The following DCDC2 variants were observed in gnomAD, a reference collection of about 807,000 sequenced individuals.
The protein encoded by DCDC2 is doublecortin domain-containing protein 2.
DCDC2 carries 40 observed loss-of-function variants against 50.2 expected under a neutral mutation model. The observed-to-expected ratio is 0.80, with a 90% CI of 0.62 to 1.04. The LOEUF (loss-of-function observed/expected upper bound fraction) is 1.04. Ranked by LOEUF, DCDC2 falls within the 50% of genes least tolerant of loss-of-function variation. DCDC2 has a pLI of 0.00. For missense variants in DCDC2, 570 were observed against 581.9 expected, an observed-to-expected ratio of 0.98 and a Z score of 0.21; for synonymous variants, 234 against 210.6, an observed-to-expected ratio of 1.11 and a Z score of -0.96.
intron 4 of DCDC2, among the ~76,000 whole-genome samples, chr6:24,298,337 C>T (rs1759305342): frequency 6.6e-6 from 1 of 152,198 alleles, no homozygotes; most frequent in Non-Finnish European, 1.5e-5. Context: ...TTGGGGAACC[C>T]TGGAGAGTGC....
intron 8 of DCDC2, among the ~76,000 whole-genome samples, chr6:24,196,702 G>A (rs527675459): frequency 4.0e-4 from 61 of 152,318 alleles, no homozygotes; most frequent in African/African-American, 1.4e-3. Context: ...TGGGATTACA[G>A]GCATGAGCTA....
At chr6:24,179,750 T>A (rs793855) in intron 8 of DCDC2, among the ~76,000 whole-genome samples, 11 of 146,470 alleles carry the variant, frequency 7.5e-5, no homozygotes, top group Non-Finnish European at 1.2e-4. Context: ...GTCAGGAGAT[T>A]GAGACCATCC....
upstream of DCDC2, among the ~76,000 whole-genome samples, chr6:24,358,809 TATATAAA>T (rs1464647239): frequency 6.0e-5 from 2 of 33,550 alleles, no homozygotes; most frequent in Admixed American, 6.5e-4. Flanking sequence ...TTATATATTA[TATATAAA>T]TATATATATT....
chr6:24,256,800 A>G (rs979355630), intron 7 of DCDC2, among the ~76,000 whole-genome samples: 19 of 152,204 alleles, frequency 1.2e-4, no homozygotes, highest in Non-Finnish European at 2.6e-4. Context: ...GCACTACACC[A>G]AGAATAATTT....
chr6:24,362,785 T>G (rs1760691259), upstream of DCDC2, among the ~76,000 whole-genome samples: 1 of 152,174 alleles, frequency 6.6e-6, no homozygotes, highest in Non-Finnish European at 1.5e-5. Flanking sequence ...ATCTACTCAT[T>G]TGCTCAAAGC....
chr6:24,251,331 C>T (rs1033775727), intron 7 of DCDC2, among the ~76,000 whole-genome samples: 1 of 152,148 alleles, frequency 6.6e-6, no homozygotes, highest in Non-Finnish European at 1.5e-5. Flanking sequence ...GGTTTGAGAG[C>T]TTGCTGTGCT....
chr6:24,253,879 T>C (rs1029912645), intron 7 of DCDC2, among the ~76,000 whole-genome samples: 1 of 152,198 alleles, frequency 6.6e-6, no homozygotes, highest in Non-Finnish European at 1.5e-5. Flanking sequence ...TTAAAATCAC[T>C]TGTTTCTTCA....
At chr6:24,377,177 C>A in the DCDC2 span, among the ~76,000 whole-genome samples, 1 of 152,302 alleles carries the variant, frequency 6.6e-6, no homozygotes, top group Non-Finnish European at 1.5e-5. Flanking sequence ...TGCCACAGTC[C>A]GCTGGGAACA....
chr6:24,236,544 T>A (rs1422017186), intron 7 of DCDC2, among the ~76,000 whole-genome samples: 1 of 152,102 alleles, frequency 6.6e-6, no homozygotes, highest in Admixed American at 6.5e-5. Flanking sequence ...ACTTGACAAG[T>A]GGGACCTAAT....
intron 2 of DCDC2, among the ~76,000 whole-genome samples, chr6:24,327,759 G>C (rs1759900412): frequency 6.6e-6 from 1 of 152,116 alleles, no homozygotes; most frequent in African/African-American, 2.4e-5. Flanking sequence ...ACAAGTGTGA[G>C]CCACCGCGCC....
At chr6:24,199,610 A>T (rs776943131) in intron 8 of DCDC2, among the ~76,000 whole-genome samples, 9 of 152,214 alleles carry the variant, frequency 5.9e-5, no homozygotes, top group Non-Finnish European at 1.0e-4. Flanking sequence ...TTTCTCCTCC[A>T]AAGGATCACA....
At chr6:24,204,877 G>A (rs1761673907) in intron 8 of DCDC2, 125 bp downstream of exon 8, 1 of 851,560 alleles carries the variant, frequency 1.2e-6, no homozygotes, top group Admixed American at 2.5e-5. Flanking sequence ...AGGTTGATCA[G>A]CCACATAGTA....
chr6:24,381,398 C>T, the DCDC2 span, among the ~76,000 whole-genome samples: 63,748 of 151,984 alleles, frequency 0.42, 14,800 homozygotes, highest in Non-Finnish European at 0.52. Flanking sequence ...TAAGATCTCC[C>T]TCATATGTAG....
upstream of DCDC2, among the ~76,000 whole-genome samples, chr6:24,360,294 A>C (rs1462299073): frequency 6.6e-6 from 1 of 152,126 alleles, no homozygotes; most frequent in Non-Finnish European, 1.5e-5. Context: ...AGGTGACATG[A>C]TCATGCGCTC....
intron 2 of DCDC2, among the ~76,000 whole-genome samples, chr6:24,325,018 CAATGA>C (rs1229088742): frequency 3.3e-5 from 5 of 152,210 alleles, no homozygotes; most frequent in Admixed American, 2.6e-4. Context: ...ACATTAAATG[CAATGA>C]AGAGTAAGGC....
intron 2 of DCDC2, among the ~76,000 whole-genome samples, chr6:24,328,351 T>A (rs1759910050): frequency 6.6e-6 from 1 of 152,236 alleles, no homozygotes; most frequent in Non-Finnish European, 1.5e-5. Flanking sequence ...ATAAGGAATA[T>A]CAAACTGGCT....
rs34475687 is a variant in DCDC2, at chr6:24,208,363, C to CTTTTT, written c.923-3266_923-3262dup. ...ACCAACAGCTCCCTCCTCTGTGCTA[C>CTTTTT]TTTTTTTTTTTTTTTTTTTTTTTTT... On this transcript the variant is annotated intron_variant, in intron 7 of 9. Coordinates refer to ENST00000378454, the MANE Select transcript of DCDC2 (RefSeq NM_016356.5). Among the ~76,000 whole-genome samples, 132 of 84,406 alleles carry CTTTTT rather than the reference C, an allele frequency of 1.6e-3. 4 individuals are homozygous for CTTTTT. The highest frequency in any genetic ancestry group is 3.5e-3 in the African/African-American group (67 of 19,274). The allele number at this position is 84,406 out of a possible 152,430, so 55.4% of individuals were successfully genotyped here.
intron 7 of DCDC2, among the ~76,000 whole-genome samples, chr6:24,211,707 A>T (rs553468227): frequency 6.6e-6 from 1 of 152,304 alleles, no homozygotes; most frequent in Admixed American, 6.5e-5. Context: ...CAGCCTGTAG[A>T]AACTGGAAAA....
chr6:24,294,140 T>C (rs1472293205), intron 4 of DCDC2, among the ~76,000 whole-genome samples: 2 of 152,172 alleles, frequency 1.3e-5, no homozygotes, highest in Non-Finnish European at 2.9e-5. Context: ...GCAGATTGTC[T>C]GAGCTCAGGA....
Sources: allele counts gnomAD v4.1 joint callset (sites outside exome capture counted in the v4.1 genomes callset), GRCh38; gene constraint gnomAD v4.1.1; transcripts MANE v1.5; gene names NCBI Gene and HGNC (gene_info 2026-07-23, HGNC 2026-07-21).